The following KIAA0586 variants were observed in gnomAD, a reference collection of about 807,000 sequenced individuals.
KIAA0586 encodes KIAA0586.
Under a neutral mutation model 169.8 loss-of-function variants are expected in KIAA0586, and 144 were observed. That is an observed-to-expected ratio of 0.85 (90% CI 0.74 to 0.97). The LOEUF (loss-of-function observed/expected upper bound fraction) is 0.97, where lower values mean the gene tolerates loss of function less well. Ranked by LOEUF, KIAA0586 falls within the 50% of genes least tolerant of loss-of-function variation. The pLI is 0.00. For missense variants in KIAA0586, 1,854 were observed against 1,823.0 expected (o/e 1.02, Z -0.31); for synonymous variants, 625 against 612.4 (o/e 1.02, Z -0.30).
In KIAA0586 at chr14:58,478,160, T is replaced by C. The variant is rs2041785574; in HGVS notation, c.2944+919T>C. Among the ~76,000 whole-genome samples the C allele has an allele frequency of 6.6e-5, 10 of 152,052 alleles. 2 individuals are homozygous for C. The highest frequency in any genetic ancestry group is 6.6e-4 in the Admixed American group (10 of 15,252). On this transcript the variant is annotated intron_variant, in intron 20 of 30. Transcript: ENST00000652326. ...TTAGCCTCCCAAGTAGTTAGGACCATAGGTGTGCACCACCATGCCCAGCTA... is the reference window on the plus strand; with the variant it reads ...TTAGCCTCCCAAGTAGTTAGGACCACAGGTGTGCACCACCATGCCCAGCTA...
rs143757629 is a variant in KIAA0586, at chr14:58,469,540, C to T, written c.2443-1073C>T. 3.9e-4 allele frequency among the ~76,000 whole-genome samples: 60 copies of T among 152,242 alleles called. No homozygotes were observed. In the East Asian group the frequency reaches 0.01, roughly 26 times the overall value. ...ACAAACCCGGTCAATGTGTATTGAA[C>T]GAATGAGCATCACTAGCACAGTCAG... On this transcript the variant is annotated intron_variant, in intron 16 of 30. Coordinates refer to ENST00000652326, the MANE Select transcript of KIAA0586 (RefSeq NM_001329943.3).
chr14:58,542,120 G>A (rs2046668959), intron 30 of KIAA0586, among the ~76,000 whole-genome samples: 1 of 151,924 alleles, frequency 6.6e-6, no homozygotes, highest in Non-Finnish European at 1.5e-5. Context: ...AATGTTCCCA[G>A]TCTAAAGAGT....
chr14:58,427,812 G>A lies in KIAA0586; in HGVS notation c.-453G>A. On this transcript the variant is annotated 5_prime_UTR_variant, in exon 1 of 31. Transcript: ENST00000652326. The stretch of plus-strand genomic sequence containing the variant: ...ATGTTTCCGACGATTGCATCTGGAG[G>A]GGTGTGTAAGACTCTGTGGCTGAAG... 1 of 1,493,044 alleles carries A rather than the reference G, an allele frequency of 6.7e-7. No individual in the cohort carries two copies. The highest frequency in any genetic ancestry group is 8.9e-7 in the Non-Finnish European group (1 of 1,125,668). The allele number at this position is 1,493,044 out of a possible 1,614,324, so 92.5% of individuals were successfully genotyped here.
intron 29 of KIAA0586, among the ~76,000 whole-genome samples, chr14:58,515,403 A>C (rs1238916039): frequency 6.6e-6 from 1 of 152,170 alleles, no homozygotes; most frequent in African/African-American, 2.4e-5. Flanking sequence ...ATACTCATAT[A>C]GCTGTGACAA....
intron 27 of KIAA0586, among the ~76,000 whole-genome samples, chr14:58,504,455 A>G (rs1291376262): frequency 6.6e-6 from 1 of 152,178 alleles, no homozygotes; most frequent in Non-Finnish European, 1.5e-5. Context: ...GTTTATACAT[A>G]CTGAATTTGT....
chr14:58,539,310 G>C (rs1566959106), intron 29 of KIAA0586, among the ~76,000 whole-genome samples: 1 of 152,092 alleles, frequency 6.6e-6, no homozygotes, highest in Non-Finnish European at 1.5e-5. Context: ...AAGAAAATTA[G>C]AAAAGAAATA....
At position 58,536,570 on chromosome 14, in the gene KIAA0586, G is replaced by A. The variant is rs563525655; in HGVS notation, c.4430-3501G>A. On this transcript the variant is annotated intron_variant, in intron 29 of 30. Transcript: ENST00000652326. The stretch of plus-strand genomic sequence containing the variant: ...ACTATAACATGGTTTACTTTCACTT[G>A]GCACCAGAGATAGCAACAATATTTT... Among the ~76,000 whole-genome samples, 80 of 152,184 alleles carry A rather than the reference G, an allele frequency of 5.3e-4. 1 individual carries two copies. Among genetic ancestry groups the A allele is most frequent in the Non-Finnish European group, 9.3e-4 (63 of 68,006 alleles).
At chr14:58,484,381 G>T (rs1302666939) in intron 21 of KIAA0586, among the ~76,000 whole-genome samples, 1 of 152,032 alleles carries the variant, frequency 6.6e-6, no homozygotes, top group Non-Finnish European at 1.5e-5. Flanking sequence ...AGATTTCAGT[G>T]GGAATTAAAC....
chr14:58,496,223 A>G (rs1343171270), intron 26 of KIAA0586, among the ~76,000 whole-genome samples: 1 of 152,212 alleles, frequency 6.6e-6, no homozygotes, highest in Non-Finnish European at 1.5e-5. Context: ...ATTATAGGCA[A>G]CCTGACTTAA....
rs1484444565 is a variant in KIAA0586, at chr14:58,450,704, CT to C, written c.1091del (p.Leu364TrpfsTer16). The C allele has an allele frequency of 6.2e-7, 1 of 1,608,534 alleles. No homozygotes were observed. The highest frequency in any genetic ancestry group is 1.1e-5 in the South Asian group (1 of 90,920). Reference protein sequence around the residue: ...RDDELSKRENLLEEKENMEVS... With the variant: ...RDDELSKRENXLEEKENMEVS... ...TGATGAACTATCAAAGAGGGAAAAT[CT>C]TTTGGAAGAAAAAGAAAATATGGAA... On this transcript the variant is annotated frameshift_variant, in exon 8 of 31. Transcript: ENST00000652326. LOFTEE classifies it high-confidence loss of function.
rs2040070126 is a variant in KIAA0586 at position 58,458,664 on chromosome 14, A to T, written c.1656+119A>T. 3.5e-6 allele frequency: 2 copies of T among 568,820 alleles called. 1 individual carries two copies. Among genetic ancestry groups the T allele is most frequent in the East Asian group, 6.5e-5 (2 of 30,566 alleles). The allele number at this position is 568,820 out of a possible 1,614,324, so 35.2% of individuals were successfully genotyped here. ...CTTATATAAAAATCCACTTATTTTT[A>T]ATTTAATTGTCACTCTTTATATTTA... is the stretch of plus-strand genomic sequence containing the variant. On this transcript the variant is annotated intron_variant, in intron 12 of 30. Coordinates refer to ENST00000652326, the MANE Select transcript of KIAA0586 (RefSeq NM_001329943.3).
At chr14:58,464,481 A>C (rs1341341324) in intron 14 of KIAA0586, among the ~76,000 whole-genome samples, 5 of 151,548 alleles carry the variant, frequency 3.3e-5, no homozygotes, top group African/African-American at 4.8e-5. Flanking sequence ...GAAATTATTA[A>C]GAAAATATTT....
rs772856259 is a variant in KIAA0586 at position 58,498,773 on chromosome 14, C to T, written c.3991-10C>T. 1.3e-6 allele frequency: 2 copies of T among 1,577,128 alleles called. No homozygotes were observed. Among genetic ancestry groups the T allele is most frequent in the South Asian group, 2.4e-5 (2 of 83,258 alleles). On this transcript the variant is annotated splice_polypyrimidine_tract_variant and intron_variant, in intron 26 of 30. Transcript: ENST00000652326. ...ATAATGGTTTTAACAATTGTTTCTG[C>T]TTTTTAAAGGACTTGGAAAACAGTG... is the stretch of plus-strand genomic sequence containing the variant.
chr14:58,531,983 A>G (rs1378381969), intron 29 of KIAA0586, among the ~76,000 whole-genome samples: 1 of 152,110 alleles, frequency 6.6e-6, no homozygotes, highest in East Asian at 1.9e-4. Context: ...GGAGTTGAAC[A>G]ATGAGAACAC....
chr14:58,463,141 A>G (rs2040470607), intron 14 of KIAA0586, among the ~76,000 whole-genome samples: 1 of 147,008 alleles, frequency 6.8e-6, no homozygotes, highest in African/African-American at 2.5e-5. Context: ...CTCTCTCTCA[A>G]TTCTTCCGTC....
chr14:58,503,349 G>A (rs1047798967), intron 27 of KIAA0586, among the ~76,000 whole-genome samples: 1 of 152,126 alleles, frequency 6.6e-6, no homozygotes, highest in African/African-American at 2.4e-5. Flanking sequence ...TGCAGAGGAG[G>A]AACTTAACTC....
chr14:58,499,912 A>C (rs1482226484), intron 27 of KIAA0586, among the ~76,000 whole-genome samples: 4 of 152,260 alleles, frequency 2.6e-5, no homozygotes, highest in African/African-American at 9.6e-5. Flanking sequence ...ATGAAAATTG[A>C]CATAACAGAT....
Position 58,427,849 on chromosome 14 carries a change from GCTT to G in KIAA0586, c.-412_-410del. Reference sequence around the variant, plus strand: ...CTCTGTGGCTGAAGAAAGCTATTACGCTTCTTATGTGGGTCATTATTTTAAAAA... The same window carrying G: ...CTCTGTGGCTGAAGAAAGCTATTACGCTTATGTGGGTCATTATTTTAAAAA... On this transcript the variant is annotated 5_prime_UTR_variant, in exon 1 of 31. Coordinates refer to ENST00000652326, the MANE Select transcript of KIAA0586 (RefSeq NM_001329943.3). The G allele has an allele frequency of 6.4e-6, 9 of 1,403,544 alleles. No homozygotes were observed. Among genetic ancestry groups the G allele is most frequent in the African/African-American group, 1.4e-5 (1 of 69,018 alleles). 86.9% of individuals were successfully genotyped at this position (1,403,544 alleles called of 1,614,324 possible).
rs374947650 is a variant in KIAA0586 at position 58,442,195 on chromosome 14, C to T, written c.411-511C>T. On this transcript the variant is annotated intron_variant, in intron 4 of 30. Transcript: ENST00000652326. ...CGCAATCCTGGCTCACTGCAACCTT[C>T]GCCTCCTGGGTTCTAGTAATTCTCC... Among the ~76,000 whole-genome samples, 4 of 152,078 alleles carry T rather than the reference C, an allele frequency of 2.6e-5. 1 individual carries two copies.
Sources: allele counts gnomAD v4.1 joint callset (sites outside exome capture counted in the v4.1 genomes callset), GRCh38; gene constraint gnomAD v4.1.1; transcripts MANE v1.5; gene names NCBI Gene and HGNC (gene_info 2026-07-23, HGNC 2026-07-21).